Variants in SLC26A4 observed in about 807,000 individuals in gnomAD.
The protein encoded by SLC26A4 is pendrin.
Under a neutral mutation model 90.4 loss-of-function variants are expected in SLC26A4, and 93 were observed. The ratio of observed to expected loss-of-function variants is 1.03; its 90% CI spans 0.87 to 1.22. The LOEUF is 1.22. SLC26A4 is among the 50% of genes most tolerant of loss of function. The pLI is 0.00. For missense variants in SLC26A4, 1,127 were observed against 946.2 expected (o/e 1.19, Z -2.51); for synonymous variants, 393 against 354.6 (o/e 1.11, Z -1.22).
chr7:107,693,392 C>T, intron 10 of SLC26A4: 1 of 985,410 alleles, frequency 1.0e-6, no homozygotes, highest in Non-Finnish European at 1.2e-6. Flanking sequence ...CCAGGTAGAG[C>T]AAGTGCTTTC....
At chr7:107,679,236 G>A (rs888043977) in intron 6 of SLC26A4, among the ~76,000 whole-genome samples, 5 of 152,114 alleles carry the variant, frequency 3.3e-5, no homozygotes, top group Non-Finnish European at 5.9e-5. Context: ...TGAATGGTTT[G>A]TCTCAGTAGA....
Position 107,677,498 on chromosome 7 carries a change from C to T in SLC26A4, c.765+2389C>T, listed in dbSNP as rs953768592. Among the ~76,000 whole-genome samples the T allele has an allele frequency of 3.3e-5, 5 of 152,068 alleles. No homozygotes were observed. In the East Asian group the frequency reaches 5.8e-4, roughly 18 times the overall value. ...TCATGAAGCTCGCCGTTCATTTCCT[C>T]GGGACCCAGCCTATTAGGAAACATT... is the stretch of plus-strand genomic sequence containing the variant. On this transcript the variant is annotated intron_variant, in intron 6 of 20. Coordinates refer to ENST00000644269, the MANE Select transcript of SLC26A4 (RefSeq NM_000441.2).
Position 107,663,320 on chromosome 7 carries a change from T to C in SLC26A4, c.189T>C (p.Gly63=). 1 of 1,614,204 alleles carries C rather than the reference T, an allele frequency of 6.2e-7. No homozygotes were observed. The highest frequency in any genetic ancestry group is 1.3e-5 in the African/African-American group (1 of 75,042). The change falls in exon 3 of 21, where the codon GGT becomes GGC. Residue 63 remains glycine (G), a synonymous_variant. Coordinates refer to ENST00000644269, the MANE Select transcript of SLC26A4 (RefSeq NM_000441.2). The stretch of plus-strand genomic sequence containing the variant: ...GTTGTTCAAGAAAGAGAGCCTTTGG[T>C]GTGCTAAAGACTCTTGTGCCCATCT... ...CCSCSRKRAF[G]VLKTLVPILE...
chr7:107,709,628 C>A (rs1202312713), intron 18 of SLC26A4, among the ~76,000 whole-genome samples: 1 of 152,096 alleles, frequency 6.6e-6, no homozygotes, highest in African/African-American at 2.4e-5. Flanking sequence ...GGCAGCCTGG[C>A]CCACAGCAGC....
Position 107,700,177 on chromosome 7 carries a change from T to C in SLC26A4, c.1707+2T>C, listed in dbSNP as rs1554360707. 2 of 1,447,450 alleles carry C rather than the reference T, an allele frequency of 1.4e-6. No individual in the cohort carries two copies. Among genetic ancestry groups the C allele is most frequent in the Non-Finnish European group, 9.7e-7 (1 of 1,028,092 alleles). 89.7% of individuals were successfully genotyped at this position (1,447,450 alleles called of 1,614,324 possible). ...TTTAAAAAATGTATCAAGTCCACAG[T>C]AAGTATTTTATCCCTAGAAATTTGT... On this transcript the variant is annotated splice_donor_variant, in intron 15 of 20. Transcript: ENST00000644269. LOFTEE classifies it high-confidence loss of function.
chr7:107,701,759 A>G, intron 16 of SLC26A4, 68 bp from the exon 17 acceptor site: 1 of 1,063,128 alleles, frequency 9.4e-7, no homozygotes, highest in Admixed American at 1.7e-5. Context: ...CTTTTGGATA[A>G]TTTGATATGA....
intron 15 of SLC26A4, 72 bp from the exon 16 acceptor site, chr7:107,701,029 T>C: frequency 2.2e-6 from 2 of 910,990 alleles, no homozygotes; most frequent in Non-Finnish European, 3.7e-6. Context: ...AAATAGCCTT[T>C]CCAGATAACA....
intron 3 of SLC26A4, 103 bp from the exon 4 acceptor site, chr7:107,672,035 T>A: frequency 1.3e-6 from 1 of 759,964 alleles, no homozygotes; most frequent in Non-Finnish European, 2.4e-6. Context: ...TGCTTTTGCA[T>A]CATCATAAAG....
intron 8 of SLC26A4, among the ~76,000 whole-genome samples, chr7:107,685,845 G>A (rs1439744279): frequency 1.3e-5 from 2 of 152,082 alleles, no homozygotes; most frequent in Non-Finnish European, 2.9e-5. Context: ...TACCTCTTCT[G>A]TTATAGTGGT....
intron 10 of SLC26A4, 29 bp downstream of exon 10, chr7:107,690,266 C>G (rs1209369086): frequency 7.8e-7 from 1 of 1,285,280 alleles, no homozygotes; most frequent in South Asian, 1.2e-5. Context: ...TGATATCCAT[C>G]TCAGAGAACA....
rs1184291151 is a variant in SLC26A4, at chr7:107,679,889, CTTATA to C, written c.766-3311_766-3307del. 1.4e-3 allele frequency among the ~76,000 whole-genome samples: 74 copies of C among 54,452 alleles called. 7 individuals carry two copies. Among genetic ancestry groups the C allele is most frequent in the African/African-American group, 9.1e-3 (69 of 7,542 alleles). The allele number at this position is 54,452 out of a possible 152,430, so 35.7% of individuals were successfully genotyped here. A position where few individuals can be genotyped will look rare whatever the true frequency, so the allele number is the denominator to read the frequency against. On this transcript the variant is annotated intron_variant, in intron 6 of 20. Transcript: ENST00000644269. ...ATAATCTTATATTATATAATCTTATCTTATATAATCTTATATTATATGCTCTTATA... is the reference window on the plus strand; with the variant it reads ...ATAATCTTATATTATATAATCTTATCTAATCTTATATTATATGCTCTTATA...
chr7:107,706,432 C>G (rs187811264), intron 18 of SLC26A4, among the ~76,000 whole-genome samples: 2 of 152,316 alleles, frequency 1.3e-5, no homozygotes, highest in African/African-American at 4.8e-5. Flanking sequence ...GCACTATAGC[C>G]TGGACAACAC....
chr7:107,696,951 G>A lies in SLC26A4; in HGVS notation c.1544+912G>A, dbSNP rs28706204. Among the ~76,000 whole-genome samples the A allele has an allele frequency of 9.0e-3, 1,367 of 152,196 alleles. 26 individuals are homozygous for A. Among genetic ancestry groups the A allele is most frequent in the African/African-American group, 0.03 (1,248 of 41,536 alleles). ...GATAGATGTCTTCAGCTTAGCATCC[G>A]CTCACCTCTCCTGTCCCACCAGCCA... On this transcript the variant is annotated intron_variant, in intron 13 of 20. Transcript: ENST00000644269.
chr7:107,690,804 A>G (rs2129316133), intron 10 of SLC26A4, among the ~76,000 whole-genome samples: 1 of 152,164 alleles, frequency 6.6e-6, no homozygotes, highest in African/African-American at 2.4e-5. Flanking sequence ...TATCTTTTAA[A>G]TGTGGTTTGC....
At chr7:107,710,277 C>T in intron 19 of SLC26A4, 78 bp downstream of exon 19, 1 of 1,069,436 alleles carries the variant, frequency 9.4e-7, no homozygotes, top group Non-Finnish European at 1.4e-6. Flanking sequence ...TTACACAAGT[C>T]TAGTCTAGCT....
chr7:107,685,936 C>A (rs1284165495), intron 8 of SLC26A4, among the ~76,000 whole-genome samples: 1 of 152,064 alleles, frequency 6.6e-6, no homozygotes, highest in Non-Finnish European at 1.5e-5. Context: ...ACAGCTCTGT[C>A]CTCTAAATTT....
intron 19 of SLC26A4, 127 bp from the exon 20 acceptor site, chr7:107,712,412 C>T (rs775226576): frequency 4.5e-6 from 3 of 667,662 alleles, no homozygotes; most frequent in Non-Finnish European, 8.1e-6. Flanking sequence ...AAGAACAATA[C>T]AGCTGAAGAG....
intron 10 of SLC26A4, 120 bp downstream of exon 10, chr7:107,690,357 G>A (rs1049298225): frequency 8.0e-5 from 58 of 727,998 alleles, no homozygotes; most frequent in African/African-American, 6.9e-4. Flanking sequence ...TTCCTAATCT[G>A]ATTCACCTCA....
intron 17 of SLC26A4, among the ~76,000 whole-genome samples, chr7:107,703,990 C>T (rs1475821697): frequency 1.3e-5 from 2 of 152,128 alleles, no homozygotes; most frequent in East Asian, 1.9e-4. Context: ...ACATTTTGAA[C>T]CCGATAAGCA....
Sources: allele counts gnomAD v4.1 joint callset (sites outside exome capture counted in the v4.1 genomes callset), GRCh38; gene constraint gnomAD v4.1.1; transcripts MANE v1.5; gene names NCBI Gene and HGNC (gene_info 2026-07-23, HGNC 2026-07-21).